The following ROBO2 variants were observed in gnomAD, a reference collection of about 807,000 sequenced individuals.
ROBO2 encodes the protein roundabout homolog 2.
A neutral mutation model predicts 160.8 loss-of-function variants in ROBO2; 53 were observed. That is an observed-to-expected ratio of 0.33 (90% confidence interval 0.26 to 0.41). The LOEUF is 0.41. Among genes scored for constraint, ROBO2 ranks in the 10% least tolerant of loss-of-function variants. The probability of loss-of-function intolerance (pLI) is 1.00; values close to 1 mark genes in which losing one functional copy is unlikely to be tolerated. For synonymous variants in ROBO2, 664 were observed against 611.7 expected (o/e 1.09, Z -1.26); for missense variants, 1,577 against 1,722.4 (o/e 0.92, Z 1.49).
chr3:77,487,617 C>T (rs972520889), intron 4 of ROBO2, among the ~76,000 whole-genome samples: 2 of 152,126 alleles, frequency 1.3e-5, no homozygotes, highest in Non-Finnish European at 2.9e-5. Flanking sequence ...TTACCTCATA[C>T]ATGCCCAGTT....
intron 2 of ROBO2, among the ~76,000 whole-genome samples, chr3:76,798,722 C>T (rs1027417671): frequency 1.3e-5 from 2 of 151,978 alleles, no homozygotes; most frequent in African/African-American, 2.4e-5. Flanking sequence ...CAAACCCTGC[C>T]TCTATTTGAA....
chr3:77,577,426 G>C, intron 14 of ROBO2, 64 bp from the exon 16 acceptor site: 1 of 1,608,292 alleles, frequency 6.2e-7, no homozygotes, highest in Non-Finnish European at 8.5e-7. Flanking sequence ...CTCATATTCT[G>C]AAAGTAGCAT....
intron 2 of ROBO2, among the ~76,000 whole-genome samples, chr3:76,963,085 A>T (rs2079790480): frequency 6.6e-6 from 1 of 152,192 alleles, no homozygotes; most frequent in South Asian, 2.1e-4. Flanking sequence ...AAAAAAAGGA[A>T]GAAAAGTTTG....
At chr3:77,125,492 C>T (rs940721631) in intron 2 of ROBO2, among the ~76,000 whole-genome samples, 2 of 152,130 alleles carry the variant, frequency 1.3e-5, no homozygotes, top group Non-Finnish European at 2.9e-5. Context: ...AGGTCTCTAT[C>T]ATTTGTTTCA....
chr3:77,588,794 A>G (rs1008161371), exon 17 of ROBO2: 4 of 1,613,406 alleles, frequency 2.5e-6, no homozygotes, highest in Non-Finnish European at 3.4e-6. Flanking sequence ...ATAACAGCAT[A>G]ACTGAGCAAA....
At chr3:77,563,033 T>C (rs1436364909) in intron 10 of ROBO2, 134 bp from the exon 12 acceptor site, 2 of 797,156 alleles carry the variant, frequency 2.5e-6, no homozygotes, top group Non-Finnish European at 4.2e-6. Context: ...AACATTCACT[T>C]ACATACTTCT....
intron 2 of ROBO2, among the ~76,000 whole-genome samples, chr3:76,057,669 G>A (rs969126871): frequency 2.0e-5 from 3 of 152,048 alleles, no homozygotes; most frequent in African/African-American, 7.2e-5. Flanking sequence ...ATTATACAGA[G>A]CTGTAGATCA....
chr3:77,593,684 T>G (rs1309962875), intron 17 of ROBO2, among the ~76,000 whole-genome samples: 1 of 152,130 alleles, frequency 6.6e-6, no homozygotes, highest in Non-Finnish European at 1.5e-5. Context: ...GTAGATAACC[T>G]TAAAGGAGGG....
At chr3:77,031,451 A>G (rs2063316504) in intron 2 of ROBO2, among the ~76,000 whole-genome samples, 1 of 147,474 alleles carries the variant, frequency 6.8e-6, no homozygotes, top group African/African-American at 2.5e-5. Flanking sequence ...TACATAATAT[A>G]TAGTATATAA....
intron 5 of ROBO2, among the ~76,000 whole-genome samples, chr3:77,511,236 T>C (rs2089351261): frequency 6.6e-6 from 1 of 151,872 alleles, no homozygotes; most frequent in Non-Finnish European, 1.5e-5. Context: ...ATGTCTACCA[T>C]GGGAATGTAA....
At chr3:76,683,477 A>AC (rs1329946352) in intron 2 of ROBO2, among the ~76,000 whole-genome samples, 1 of 151,612 alleles carries the variant, frequency 6.6e-6, no homozygotes, top group African/African-American at 2.4e-5. Flanking sequence ...AAAAAAAAAA[A>AC]AAACCTGGAA....
At chr3:76,086,812 A>G (rs2069032226) in intron 2 of ROBO2, among the ~76,000 whole-genome samples, 1 of 152,174 alleles carries the variant, frequency 6.6e-6, no homozygotes, top group Non-Finnish European at 1.5e-5. Context: ...ACAACTTGGA[A>G]GAACACATAG....
intron 2 of ROBO2, among the ~76,000 whole-genome samples, chr3:76,087,134 T>C (rs2069045970): frequency 6.6e-6 from 1 of 151,952 alleles, no homozygotes; most frequent in East Asian, 1.9e-4. Context: ...CCCAAATTAA[T>C]GACAGACACC....
intron 2 of ROBO2, among the ~76,000 whole-genome samples, chr3:77,399,531 C>G (rs1287276646): frequency 6.6e-6 from 1 of 152,150 alleles, no homozygotes; most frequent in Non-Finnish European, 1.5e-5. Context: ...GTTTTAAAGC[C>G]TCAATCTAAG....
At chr3:76,014,889 C>T (rs1231927351) in intron 2 of ROBO2, among the ~76,000 whole-genome samples, 1 of 152,178 alleles carries the variant, frequency 6.6e-6, no homozygotes, top group Non-Finnish European at 1.5e-5. Context: ...GATCGCGCTA[C>T]TGCACTCCAG....
chr3:76,589,687 T>C lies in ROBO2; in HGVS notation c.110-508327T>C, dbSNP rs6776207. Among the ~76,000 whole-genome samples, 822 of 152,300 alleles carry C rather than the reference T, an allele frequency of 5.4e-3. 8 individuals carry two copies. The highest frequency in any genetic ancestry group is 0.018 in the African/African-American group (764 of 41,568). On this transcript the variant is annotated intron_variant, in intron 2 of 26. Coordinates refer to the ROBO2 transcript ENST00000487694. ...CAATGTTACCTAATTTTTGAGCCATTTTTTCCTCAACTGTTTAGTTACAAA... is the reference window on the plus strand; with the variant it reads ...CAATGTTACCTAATTTTTGAGCCATCTTTTCCTCAACTGTTTAGTTACAAA...
chr3:76,424,193 T>C (rs2076115244), intron 2 of ROBO2, among the ~76,000 whole-genome samples: 1 of 152,214 alleles, frequency 6.6e-6, no homozygotes, highest in Non-Finnish European at 1.5e-5. Context: ...CTTAACAATA[T>C]GTAAAAATAT....
intron 2 of ROBO2, among the ~76,000 whole-genome samples, chr3:76,276,867 C>T (rs9631519): frequency 0.32 from 47,967 of 151,580 alleles, 8,319 homozygotes; most frequent in Non-Finnish European, 0.4. Context: ...AGAAATATTT[C>T]GGATATTTTT....
chr3:76,269,871 G>T (rs566106319), intron 2 of ROBO2, among the ~76,000 whole-genome samples: 2 of 152,028 alleles, frequency 1.3e-5, no homozygotes, highest in South Asian at 4.1e-4. Flanking sequence ...ATGATTGTAG[G>T]TTCTATAGAA....
Sources: allele counts gnomAD v4.1 joint callset (sites outside exome capture counted in the v4.1 genomes callset), GRCh38; gene constraint gnomAD v4.1.1; transcripts MANE v1.5; gene names NCBI Gene and HGNC (gene_info 2026-07-23, HGNC 2026-07-21).